The following ADCY5 variants were observed in gnomAD, a reference collection of about 807,000 sequenced individuals.
The protein encoded by ADCY5 is adenylate cyclase type 5.
In ADCY5, 30 loss-of-function variants were observed where a neutral mutation model predicts 119.7. The ratio of observed to expected loss-of-function variants is 0.25; its 90% CI spans 0.19 to 0.34. The LOEUF (loss-of-function observed/expected upper bound fraction) is 0.34. ADCY5 is among the 10% of genes least tolerant of loss of function. The pLI is 1.00. For missense variants in ADCY5, 1,324 were observed against 1,775.2 expected (o/e 0.75, Z 4.57); for synonymous variants, 753 against 762.2 (o/e 0.99, Z 0.20).
In ADCY5 at chr3:123,448,032, C is replaced by A. The variant is rs1223121036; in HGVS notation, c.514G>T (p.Glu172Ter). ...ERRGKGRAAD[E>*]LEAGAVEGGE... Reference sequence around the variant, plus strand: ...CCCTCGACGGCGCCGGCCTCCAGCTCGTCGGCCGCGCGCCCCTTGCCCCGC... The same window carrying A: ...CCCTCGACGGCGCCGGCCTCCAGCTAGTCGGCCGCGCGCCCCTTGCCCCGC... The change falls in exon 1 of 21, where the codon GAG becomes TAG. Residue 172 changes from glutamate to a stop codon, truncating the protein, a stop_gained. Transcript: ENST00000462833. LOFTEE classifies it high-confidence loss of function. 8.0e-7 allele frequency: 1 copy of A among 1,251,446 alleles called. No individual in the cohort carries two copies. The allele number at this position is 1,251,446 out of a possible 1,614,324, so 77.5% of individuals were successfully genotyped here. A position where few individuals can be genotyped will look rare whatever the true frequency, so the allele number is the denominator to read the frequency against.
intron 1 of ADCY5, among the ~76,000 whole-genome samples, chr3:123,409,623 C>T (rs530529652): frequency 6.6e-6 from 1 of 152,310 alleles, no homozygotes; most frequent in African/African-American, 2.4e-5. Flanking sequence ...TGCAGCATCA[C>T]CCAGGAAGCA....
intron 8 of ADCY5, among the ~76,000 whole-genome samples, chr3:123,321,032 C>G (rs1941194961): frequency 1.3e-5 from 2 of 152,148 alleles, no homozygotes; most frequent in Non-Finnish European, 2.9e-5. Flanking sequence ...ATCCATGTGT[C>G]TAAGCTCTTC....
At chr3:123,410,751 G>A (rs1030826376) in intron 1 of ADCY5, among the ~76,000 whole-genome samples, 2 of 152,056 alleles carry the variant, frequency 1.3e-5, no homozygotes, top group East Asian at 1.9e-4. Context: ...GAGCTCAAGC[G>A]ATCCTCCCAC....
intron 1 of ADCY5, among the ~76,000 whole-genome samples, chr3:123,434,423 A>G (rs1945572496): frequency 6.6e-6 from 1 of 152,196 alleles, no homozygotes; most frequent in South Asian, 2.1e-4. Context: ...AAAAAGGACT[A>G]AAAAGGGGTT....
At chr3:123,356,500 G>A (rs7613109) in intron 1 of ADCY5, among the ~76,000 whole-genome samples, 151,792 of 152,146 alleles carry the variant, frequency 1, 75,722 homozygotes, top group Middle Eastern at 1. Flanking sequence ...GTAAAAAAAA[G>A]TGGTGCTAGA....
chr3:123,447,944 G>T lies in ADCY5; in HGVS notation c.602C>A (p.Ala201Glu). The part of the protein sequence containing the change: ...ADSGSGAGPG[A>E]VLSLGACCLA... ...GCAGCAGGCGCCCAGGGACAGCACC[G>T]CGCCGGGCCCCGCGCCCGAGCCCGA... Residue 201 changes from alanine to glutamate, a missense_variant, in exon 1 of 21, where the codon GCG becomes GAG. Ala to Glu is a moderately radical substitution (Grantham distance 107). This residue lies in a region of ADCY5 where 585 missense variants were observed against 569.9 expected (regional missense o/e 1.03). Coordinates refer to ENST00000462833, the MANE Select transcript of ADCY5 (RefSeq NM_183357.3). 1.3e-6 allele frequency: 2 copies of T among 1,555,120 alleles called. No homozygotes were observed. The highest frequency in any genetic ancestry group is 2.4e-5 in the South Asian group (2 of 84,532).
chr3:123,409,382 A>G (rs1042431417), intron 1 of ADCY5, among the ~76,000 whole-genome samples: 7 of 152,272 alleles, frequency 4.6e-5, no homozygotes, highest in South Asian at 2.1e-4. Context: ...GCATGTGGGG[A>G]AAAAGGACAG....
intron 2 of ADCY5, among the ~76,000 whole-genome samples, 158 bp from the exon 3 acceptor site, chr3:123,348,061 G>GTGTGTGTGTGTGTGTGTGTGTC (rs1347982680): frequency 3.3e-5 from 5 of 150,752 alleles, no homozygotes; most frequent in African/African-American, 9.8e-5. Context: ...GTGTGTGTGT[G>GTGTGTGTGTGTGTGTGTGTGTC]TGTCTGTGCA....
intron 12 of ADCY5, among the ~76,000 whole-genome samples, chr3:123,309,463 C>T (rs1255391812): frequency 2.6e-5 from 4 of 152,176 alleles, no homozygotes; most frequent in Non-Finnish European, 5.9e-5. Flanking sequence ...GAAGTAAAAA[C>T]CACCTGGGTT....
chr3:123,428,751 G>GC (rs1194301421), intron 1 of ADCY5, among the ~76,000 whole-genome samples: 1 of 152,052 alleles, frequency 6.6e-6, no homozygotes, highest in African/African-American at 2.4e-5. Flanking sequence ...CCTCTAATTT[G>GC]CGGGGGGTGC....
At chr3:123,294,112 G>T (rs1307872658) in intron 17 of ADCY5, among the ~76,000 whole-genome samples, 1 of 152,218 alleles carries the variant, frequency 6.6e-6, no homozygotes, top group East Asian at 1.9e-4. Flanking sequence ...TAACCCACTG[G>T]ATTACATGGG....
chr3:123,416,277 C>T, intron 1 of ADCY5: 1 of 1,536,142 alleles, frequency 6.5e-7, no homozygotes, highest in Non-Finnish European at 8.7e-7. Context: ...TTCCTCAGGA[C>T]TTACTTCCAG....
At chr3:123,358,117 G>C (rs1414820816) in intron 1 of ADCY5, among the ~76,000 whole-genome samples, 1 of 151,850 alleles carries the variant, frequency 6.6e-6, no homozygotes. Context: ...GGTTTTCCCT[G>C]TGCTGGCCTC....
At chr3:123,406,048 T>G (rs1944890360) in intron 1 of ADCY5, among the ~76,000 whole-genome samples, 2 of 152,226 alleles carry the variant, frequency 1.3e-5, no homozygotes, top group African/African-American at 2.4e-5. Context: ...GACTTGCTTG[T>G]GAGTGCACCT....
intron 1 of ADCY5, among the ~76,000 whole-genome samples, chr3:123,446,505 C>T (rs965315706): frequency 3.9e-5 from 6 of 152,200 alleles, no homozygotes; most frequent in Non-Finnish European, 7.3e-5. Flanking sequence ...CCACAGGACA[C>T]TAAAGGGAGA....
intron 1 of ADCY5, among the ~76,000 whole-genome samples, chr3:123,375,157 G>T (rs1398537038): frequency 6.6e-6 from 1 of 152,216 alleles, no homozygotes; most frequent in East Asian, 1.9e-4. Context: ...GTCCCGAGGA[G>T]AAAGGGCTGG....
chr3:123,405,873 G>T lies in ADCY5; in HGVS notation c.1134+41539C>A, dbSNP rs555651043. Among the ~76,000 whole-genome samples the T allele has an allele frequency of 9.9e-4, 150 of 152,260 alleles. 3 individuals carry two copies. In the South Asian group the frequency reaches 0.03, roughly 30 times the overall value. On this transcript the variant is annotated intron_variant, in intron 1 of 20. Transcript: ENST00000462833. ...TGGTCTAAAACTACTGGCCTCAAGC[G>T]ATCTGCCTGCCTTGGCCTCCCAAAG...
chr3:123,397,471 TA>T (rs1211677854), intron 1 of ADCY5, among the ~76,000 whole-genome samples: 3 of 152,228 alleles, frequency 2.0e-5, no homozygotes, highest in African/African-American at 7.2e-5. Flanking sequence ...ACTCTGTCTC[TA>T]CAAAAAGTTT....
rs1270895791 is a variant in ADCY5, at chr3:123,314,470, A to C, written c.2355-148T>G. 3.0e-5 allele frequency: 19 copies of C among 641,666 alleles called. 1 individual carries two copies. In the Admixed American group the frequency reaches 5.3e-4, roughly 18 times the overall value. 39.7% of individuals were successfully genotyped at this position (641,666 alleles called of 1,614,324 possible). A position where few individuals can be genotyped will look rare whatever the true frequency, so the allele number is the denominator to read the frequency against. ...CTGGGCTCTGAAATCCAGAGAGGGA[A>C]CCTGAAGTTGCTCCACCTCCCCTAA... On this transcript the variant is annotated intron_variant, in intron 11 of 20. Coordinates refer to ENST00000462833, the MANE Select transcript of ADCY5 (RefSeq NM_183357.3).
Sources: gnomAD v4.1 joint callset for allele counts (sites outside exome capture counted in the v4.1 genomes callset) on GRCh38, gnomAD v4.1.1 for gene constraint, gnomAD v4.1.1 regional missense constraint, MANE v1.5 for transcripts, NCBI Gene and HGNC (gene_info 2026-07-23, HGNC 2026-07-21) for gene names.